Variants in CAMK1D observed in about 807,000 individuals in gnomAD.
CAMK1D encodes calcium/calmodulin-dependent protein kinase type 1D.
In CAMK1D, 9 loss-of-function variants were observed where a neutral mutation model predicts 47.7. The ratio of observed to expected loss-of-function variants is 0.19; its 90% confidence interval spans 0.11 to 0.33. The LOEUF is 0.33. Among genes scored for constraint, CAMK1D ranks in the 10% least tolerant of loss-of-function variants. The pLI, the probability that CAMK1D is intolerant of heterozygous loss-of-function variation, is 1.00. For synonymous variants in CAMK1D, 184 were observed against 184.9 expected (o/e 0.99, Z 0.04); for missense variants, 291 against 488.7 (o/e 0.60, Z 3.81).
chr10:12,537,383 T>C (rs1448839704), intron 1 of CAMK1D, among the ~76,000 whole-genome samples: 1 of 152,238 alleles, frequency 6.6e-6, no homozygotes, highest in African/African-American at 2.4e-5. Context: ...AATGCTTTTA[T>C]TTTTATAGAA....
intron 1 of CAMK1D, among the ~76,000 whole-genome samples, chr10:12,407,119 T>C (rs1328139980): frequency 6.6e-6 from 1 of 152,120 alleles, no homozygotes; most frequent in African/African-American, 2.4e-5. Context: ...GCCCCTCTCA[T>C]CTCCATCTTC....
chr10:12,759,980 C>T (rs1166695200), intron 3 of CAMK1D, among the ~76,000 whole-genome samples: 1 of 152,104 alleles, frequency 6.6e-6, no homozygotes, highest in Non-Finnish European at 1.5e-5. Flanking sequence ...AAATCTGTCT[C>T]ATCTTGTTTT....
chr10:12,563,700 G>GAGAGAGAGAGAGAGAGAGAGA (rs1564414542), intron 2 of CAMK1D, among the ~76,000 whole-genome samples: 5 of 85,248 alleles, frequency 5.9e-5, no homozygotes, highest in East Asian at 5.6e-4. Context: ...AGAGAGAGAG[G>GAGAGAGAGAGAGAGAGAGAGA]GAGAGAGAGG....
At chr10:12,419,577 C>T (rs769501066) in intron 1 of CAMK1D, among the ~76,000 whole-genome samples, 3 of 151,696 alleles carry the variant, frequency 2.0e-5, no homozygotes, top group South Asian at 2.1e-4. Flanking sequence ...CACTCCCCAC[C>T]GGGCCTCAGT....
chr10:12,600,157 T>C (rs1452933922), intron 2 of CAMK1D, among the ~76,000 whole-genome samples: 1 of 151,808 alleles, frequency 6.6e-6, no homozygotes, highest in African/African-American at 2.4e-5. Flanking sequence ...AGCAGAACAA[T>C]AGAAGTTTGT....
At chr10:12,460,176 G>T (rs1419585676) in intron 1 of CAMK1D, among the ~76,000 whole-genome samples, 1 of 152,152 alleles carries the variant, frequency 6.6e-6, no homozygotes, top group Non-Finnish European at 1.5e-5. Context: ...AAAGCTCCAG[G>T]AGTAGCAGAC....
At chr10:12,472,265 G>A (rs1391920606) in intron 1 of CAMK1D, among the ~76,000 whole-genome samples, 5 of 151,978 alleles carry the variant, frequency 3.3e-5, no homozygotes, top group Non-Finnish European at 7.4e-5. Flanking sequence ...AACTTATCAC[G>A]AGCATGTATA....
chr10:12,579,869 A>G (rs1361743539), intron 2 of CAMK1D, among the ~76,000 whole-genome samples: 1 of 152,080 alleles, frequency 6.6e-6, no homozygotes, highest in Non-Finnish European at 1.5e-5. Flanking sequence ...TCCCACCAAG[A>G]TAGGTTGGAG....
chr10:12,745,240 C>T (rs1266484146), intron 3 of CAMK1D, among the ~76,000 whole-genome samples: 1 of 152,112 alleles, frequency 6.6e-6, no homozygotes, highest in Non-Finnish European at 1.5e-5. Flanking sequence ...CCGTGTTAGC[C>T]AGGATGGTCT....
chr10:12,587,947 T>C (rs747055435), intron 2 of CAMK1D, among the ~76,000 whole-genome samples: 3 of 152,168 alleles, frequency 2.0e-5, no homozygotes, highest in Non-Finnish European at 4.4e-5. Context: ...AAATAGTGCC[T>C]TTCTCGGTGA....
chr10:12,439,260 C>T (rs771781383), intron 1 of CAMK1D, among the ~76,000 whole-genome samples: 8 of 152,178 alleles, frequency 5.3e-5, no homozygotes, highest in South Asian at 2.1e-4. Flanking sequence ...AGGCTGCATA[C>T]GTCTCAGAGC....
intron 2 of CAMK1D, among the ~76,000 whole-genome samples, chr10:12,635,483 T>C (rs898020314): frequency 6.6e-6 from 1 of 152,106 alleles, no homozygotes; most frequent in Non-Finnish European, 1.5e-5. Flanking sequence ...CACGGCGCAG[T>C]GCAGGAGCTC....
chr10:12,827,326 C>CTTTCTTTCTCTCTCT (rs1564593755), intron 10 of CAMK1D, among the ~76,000 whole-genome samples: 1 of 13,600 alleles, frequency 7.4e-5, no homozygotes, highest in Non-Finnish European at 1.8e-4. Flanking sequence ...CTTTCTTTCT[C>CTTTCTTTCTCTCTCT]TCTCTTCTCT....
At chr10:12,544,479 A>G (rs1186729798) in intron 1 of CAMK1D, among the ~76,000 whole-genome samples, 1 of 152,250 alleles carries the variant, frequency 6.6e-6, no homozygotes, top group Non-Finnish European at 1.5e-5. Flanking sequence ...TAACAAATTT[A>G]AGACTTTTTC....
At chr10:12,386,852 A>G (rs1838511319) in intron 1 of CAMK1D, among the ~76,000 whole-genome samples, 2 of 152,212 alleles carry the variant, frequency 1.3e-5, no homozygotes, top group African/African-American at 2.4e-5. Flanking sequence ...AAATTCACAT[A>G]CAATATAATG....
At chr10:12,579,982 G>C (rs1429008204) in intron 2 of CAMK1D, among the ~76,000 whole-genome samples, 1 of 152,188 alleles carries the variant, frequency 6.6e-6, no homozygotes, top group Non-Finnish European at 1.5e-5. Context: ...AGCCAGGGTG[G>C]AATCCTTTAG....
chr10:12,809,665 T>C lies in CAMK1D; in HGVS notation c.642-4530T>C, dbSNP rs77219555. ...GACATATAATGCAGGATCCCACTTATACAAAGTATCTAGAATAGTCAAACT... is the reference window on the plus strand; with the variant it reads ...GACATATAATGCAGGATCCCACTTACACAAAGTATCTAGAATAGTCAAACT... On this transcript the variant is annotated intron_variant, in intron 6 of 10. Transcript: ENST00000619168. Among the ~76,000 whole-genome samples, 401 of 152,322 alleles carry C rather than the reference T, an allele frequency of 2.6e-3. 1 individual carries two copies. The highest frequency in any genetic ancestry group is 8.9e-3 in the African/African-American group (368 of 41,574).
chr10:12,374,322 C>A (rs1838106769), intron 1 of CAMK1D, among the ~76,000 whole-genome samples: 1 of 151,346 alleles, frequency 6.6e-6, no homozygotes, highest in Admixed American at 6.6e-5. Flanking sequence ...ATCGACCAAC[C>A]AGGGCAAGGA....
At chr10:12,612,209 G>C (rs1838649500) in intron 2 of CAMK1D, among the ~76,000 whole-genome samples, 3 of 152,240 alleles carry the variant, frequency 2.0e-5, no homozygotes, top group Admixed American at 1.3e-4. Context: ...AGGTCTACAA[G>C]GCACCTTCAA....
Sources: gnomAD v4.1 joint callset for allele counts (sites outside exome capture counted in the v4.1 genomes callset) on GRCh38, gnomAD v4.1.1 for gene constraint, MANE v1.5 for transcripts, NCBI Gene and HGNC (gene_info 2026-07-23, HGNC 2026-07-21) for gene names.